The following TRAK1 variants were observed in gnomAD, a reference collection of about 807,000 sequenced individuals.
The protein encoded by TRAK1 is trafficking kinesin protein 1, also known as trafficking kinesin-binding protein 1.
TRAK1 carries 33 observed loss-of-function variants against 92.1 expected under a neutral mutation model. That is an observed-to-expected ratio of 0.36 (90% CI 0.27 to 0.48). The LOEUF is 0.48. TRAK1 is among the 20% of genes least tolerant of loss of function. The pLI, the probability that TRAK1 is intolerant of heterozygous loss-of-function variation, is 0.99. For missense variants in TRAK1, 1,123 were observed against 1,257.9 expected (o/e 0.89, Z 1.62); for synonymous variants, 521 against 517.3 (o/e 1.01, Z -0.10).
At position 42,178,916 on chromosome 3, in the gene TRAK1, C is replaced by T. The variant is rs879395397; in HGVS notation, c.363+2026C>T. Reference sequence around the variant, plus strand: ...CTTGAGCTCTGGAGGTGGAGATTGCCGTGCACCGAGATCATGTCACTGCAC... The same window carrying T: ...CTTGAGCTCTGGAGGTGGAGATTGCTGTGCACCGAGATCATGTCACTGCAC... On this transcript the variant is annotated intron_variant, in intron 3 of 15. Coordinates refer to ENST00000327628, the MANE Select transcript of TRAK1 (RefSeq NM_001042646.3). Among the ~76,000 whole-genome samples the T allele has an allele frequency of 5.9e-5, 9 of 152,040 alleles. 1 individual carries two copies. The South Asian group carries it at 8.3e-4, about 14-fold the overall frequency.
chr3:42,121,484 C>T (rs554423343), intron 1 of TRAK1, among the ~76,000 whole-genome samples: 2 of 152,216 alleles, frequency 1.3e-5, no homozygotes, highest in East Asian at 2.0e-4. Flanking sequence ...TGGTCTCGAT[C>T]TCCTGACCTC....
chr3:42,024,822 G>A (rs964224966), intron 1 of TRAK1, among the ~76,000 whole-genome samples: 1 of 152,130 alleles, frequency 6.6e-6, no homozygotes, highest in African/African-American at 2.4e-5. Flanking sequence ...AACCCCATAC[G>A]TCTTACCATA....
chr3:42,053,177 G>A lies in TRAK1; in HGVS notation c.-518-33927G>A, dbSNP rs75805706. 6.1e-3 allele frequency among the ~76,000 whole-genome samples: 933 copies of A among 152,200 alleles called. 7 individuals are homozygous for A. Among genetic ancestry groups the A allele is most frequent in the African/African-American group, 0.021 (864 of 41,508 alleles). On this transcript the variant is annotated intron_variant, in intron 1 of 16. Coordinates refer to the TRAK1 transcript ENST00000487159. ...CACACAGTGAAGTCTTTTCTTTCCC[G>A]TTTGTGTAAGCTAGTGGACCTTATG...
At chr3:42,124,979 A>G (rs931076215) in intron 1 of TRAK1, among the ~76,000 whole-genome samples, 1 of 152,208 alleles carries the variant, frequency 6.6e-6, no homozygotes, top group Non-Finnish European at 1.5e-5. Flanking sequence ...CAGATGAATG[A>G]ATAAATTAAA....
intron 2 of TRAK1, among the ~76,000 whole-genome samples, chr3:42,155,165 T>C (rs1694081826): frequency 6.6e-6 from 1 of 151,870 alleles, no homozygotes; most frequent in Non-Finnish European, 1.5e-5. Flanking sequence ...CAACAAAGTA[T>C]GGAGAAAAGG....
chr3:42,220,506 G>C, intron 15 of TRAK1: 3 of 985,448 alleles, frequency 3.0e-6, no homozygotes, highest in Non-Finnish European at 3.6e-6. Context: ...CAGGTCATGT[G>C]AGGAGGACGA....
intron 14 of TRAK1, chr3:42,219,208 C>T (rs539162398): frequency 2.0e-6 from 2 of 985,226 alleles, no homozygotes; most frequent in South Asian, 9.4e-5. Flanking sequence ...CCTCGCCTCC[C>T]ACCCCCAGAC....
At chr3:42,054,861 C>G (rs1362790973) in intron 1 of TRAK1, among the ~76,000 whole-genome samples, 1 of 123,438 alleles carries the variant, frequency 8.1e-6, no homozygotes, top group Admixed American at 9.1e-5. Context: ...AAGCTGTAGA[C>G]TTAAATTTTT....
chr3:42,029,258 T>TCACA (rs1337426761), intron 1 of TRAK1, among the ~76,000 whole-genome samples: 1 of 152,140 alleles, frequency 6.6e-6, no homozygotes, highest in East Asian at 1.9e-4. Flanking sequence ...CCAAACCATA[T>TCACA]CACAGTGTCT....
chr3:42,062,697 A>G (rs958950517), intron 1 of TRAK1, among the ~76,000 whole-genome samples: 2 of 152,226 alleles, frequency 1.3e-5, no homozygotes, highest in East Asian at 1.9e-4. Flanking sequence ...GAGAAAAAGC[A>G]AAACAAGGAT....
chr3:42,118,674 C>T (rs962802368), intron 1 of TRAK1, among the ~76,000 whole-genome samples: 2 of 152,264 alleles, frequency 1.3e-5, no homozygotes, highest in Admixed American at 1.3e-4. Flanking sequence ...ACTTTCTTCA[C>T]TCCCTGGTGG....
intron 1 of TRAK1, chr3:42,051,407 G>T (rs1338047641): frequency 6.6e-6 from 1 of 152,220 alleles, no homozygotes; most frequent in East Asian, 1.9e-4. Flanking sequence ...TTTCTATGGC[G>T]TTTCCTTTGA....
chr3:42,113,525 TG>T (rs930273544), intron 1 of TRAK1, among the ~76,000 whole-genome samples: 2 of 152,096 alleles, frequency 1.3e-5, no homozygotes, highest in Non-Finnish European at 2.9e-5. Flanking sequence ...GTGATCCTCC[TG>T]CCTCAGCCTC....
In TRAK1 at chr3:42,103,506, A is replaced by C. The variant is rs114904903; in HGVS notation, c.91+11946A>C. On this transcript the variant is annotated intron_variant, in intron 1 of 15. Transcript: ENST00000327628. ...TCTTAATACGCTTTCAAAGATTTCTACTGTCATTGTTCTTGATTCCGACAG... is the reference window on the plus strand; with the variant it reads ...TCTTAATACGCTTTCAAAGATTTCTCCTGTCATTGTTCTTGATTCCGACAG... Among the ~76,000 whole-genome samples, 413 of 152,192 alleles carry C rather than the reference A, an allele frequency of 2.7e-3. 1 individual carries two copies. The highest frequency in any genetic ancestry group is 9.4e-3 in the African/African-American group (390 of 41,524).
At chr3:42,128,503 G>T (rs921776991) in intron 2 of TRAK1, among the ~76,000 whole-genome samples, 5 of 152,214 alleles carry the variant, frequency 3.3e-5, no homozygotes, top group Non-Finnish European at 7.4e-5. Context: ...ACAGGACCCT[G>T]TAGAGCAGAG....
In TRAK1 at chr3:42,223,704, T is replaced by A; in HGVS notation, c.2829T>A (p.Gly943=). 6.2e-7 allele frequency: 1 copy of A among 1,609,078 alleles called. No individual in the cohort carries two copies. ...PVTLTSGILM[G]AKLSKQTSLR ...CTCTCACCTCGGGCATCTTGATGGG[T>A]GCTAAGCTCTCCAAACAAACTAGCT... is the stretch of plus-strand genomic sequence containing the variant. Residue 943 remains glycine, a synonymous_variant, in exon 16 of 16, where the codon GGT becomes GGA. Transcript: ENST00000327628. This position sits in a 1 kb window ranked among gnomAD's most constrained non-coding sequence, Gnocchi z 6.1.
chr3:42,144,669 T>G (rs963834045), intron 2 of TRAK1, among the ~76,000 whole-genome samples: 1 of 151,002 alleles, frequency 6.6e-6, no homozygotes, highest in African/African-American at 2.4e-5. Flanking sequence ...AATAAGGGAT[T>G]TGTATCCTTG....
intron 14 of TRAK1, chr3:42,210,242 T>C: frequency 6.5e-7 from 1 of 1,527,808 alleles, no homozygotes; most frequent in Non-Finnish European, 8.8e-7. Context: ...TAGCTTCCGC[T>C]CGTCTGTGTG....
intron 3 of TRAK1, among the ~76,000 whole-genome samples, chr3:42,177,646 C>T (rs759732611): frequency 3.9e-5 from 6 of 152,130 alleles, no homozygotes; most frequent in Non-Finnish European, 7.4e-5. Flanking sequence ...ATGTGGAGGA[C>T]ACAGAAATCA....
Sources: gnomAD v4.1 joint callset for allele counts (sites outside exome capture counted in the v4.1 genomes callset) on GRCh38, gnomAD v4.1.1 for gene constraint, Gnocchi (gnomAD v3.1) non-coding constraint, MANE v1.5 for transcripts, NCBI Gene and HGNC (gene_info 2026-07-23, HGNC 2026-07-21) for gene names.